DOK2: variants seen among roughly 807,000 people sequenced by gnomAD.
DOK2 encodes the protein docking protein 2, 56kD.
Under a neutral mutation model 26.0 loss-of-function variants are expected in DOK2, and 28 were observed. That is an observed-to-expected ratio of 1.08 (90% confidence interval 0.80 to 1.48). The LOEUF (loss-of-function observed/expected upper bound fraction) is 1.48, where lower values mean the gene tolerates loss of function less well. Among genes scored for constraint, DOK2 ranks in the 40% most tolerant of loss-of-function variants. DOK2 has a pLI of 0.00. For synonymous variants in DOK2, 282 were observed against 236.9 expected (o/e 1.19, Z -1.75); for missense variants, 682 against 558.2 (o/e 1.22, Z -2.23).
intron 3 of DOK2, 197 bp from the exon 4 acceptor site, chr8:21,911,054 A>C (rs1585398177): frequency 1.6e-6 from 1 of 616,194 alleles, no homozygotes; most frequent in Non-Finnish European, 2.8e-6. Flanking sequence ...AGGTACCTCC[A>C]CCCCCTACCC....
At chr8:21,912,091 C>T in intron 2 of DOK2, 103 bp from the exon 3 acceptor site, 2 of 1,477,804 alleles carry the variant, frequency 1.4e-6, no homozygotes, top group Non-Finnish European at 1.8e-6. Context: ...TCTGTCTGCA[C>T]ACTGGGTTCG....
rs150264736 is a variant in DOK2, at chr8:21,913,584, C to G, written c.18G>C (p.Val6=). Residue 6 remains valine (V), a synonymous_variant, in exon 1 of 5, where the codon GTG becomes GTC. Transcript: ENST00000276420. ...GCTGAAGATACAAGAAGCCTTGTTT[C>G]ACTGCCCCGTCTCCCATCCTCTGAC... MGDGA[V]KQGFLYLQQQ... is the part of the protein sequence containing the mutation. The G allele has an allele frequency of 6.2e-7, 1 of 1,614,100 alleles. No homozygotes were observed. Among genetic ancestry groups the G allele is most frequent in the Non-Finnish European group, 8.5e-7 (1 of 1,180,014 alleles).
At chr8:21,913,412 TG>T in intron 1 of DOK2, 126 bp downstream of exon 1, 4 of 1,124,602 alleles carry the variant, frequency 3.6e-6, no homozygotes, top group Middle Eastern at 2.2e-4. Context: ...AGTTGAGCTC[TG>T]GGTCTAACTT....
chr8:21,911,078 G>A (rs900966787), intron 3 of DOK2: 13 of 568,192 alleles, frequency 2.3e-5, no homozygotes, highest in African/African-American at 2.1e-4. Context: ...TAGGCATCAC[G>A]CCCCTACCCA....
intron 3 of DOK2, 58 bp from the exon 4 acceptor site, chr8:21,910,915 T>A: frequency 6.6e-7 from 1 of 1,520,370 alleles, no homozygotes; most frequent in Non-Finnish European, 8.9e-7. Context: ...CTGGCCTGCC[T>A]CACCACTGCC....
At chr8:21,912,963 C>G (rs1254295131) in intron 1 of DOK2, among the ~76,000 whole-genome samples, 2 of 152,228 alleles carry the variant, frequency 1.3e-5, no homozygotes, top group Non-Finnish European at 2.9e-5. Flanking sequence ...CTCCACCCTC[C>G]TGAACCTTGC....
rs200038363 is a variant in DOK2 at position 21,909,523 on chromosome 8, G to C, written c.1027C>G (p.His343Asp). ...ACTCCCTCGGGCTCATCGTATATGTGGTCAGGTCGAGGGGGCAGGGTCTCC... is the reference window on the plus strand; with the variant it reads ...ACTCCCTCGGGCTCATCGTATATGTCGTCAGGTCGAGGGGGCAGGGTCTCC... Reference protein sequence around the residue: ...IEETLPPRPDHIYDEPEGVAA... With the variant: ...IEETLPPRPDDIYDEPEGVAA... The change falls in exon 5 of 5, where the codon CAC becomes GAC. Residue 343 changes from histidine to aspartate, a missense_variant. By Grantham distance (81) the His-to-Asp change is moderately conservative. Coordinates refer to ENST00000276420, the MANE Select transcript of DOK2 (RefSeq NM_003974.4). 1.9e-6 allele frequency: 3 copies of C among 1,614,172 alleles called. No individual in the cohort carries two copies.
intron 3 of DOK2, among the ~76,000 whole-genome samples, chr8:21,911,497 G>T (rs184786340): frequency 3.2e-3 from 486 of 152,258 alleles, no homozygotes; most frequent in Non-Finnish European, 3.9e-3. Context: ...AATCCCAGCT[G>T]CTCAGGAGGC....
In DOK2 at chr8:21,912,321, A is replaced by T. The variant is rs375844220; in HGVS notation, c.253T>A (p.Phe85Ile). 3.5e-5 allele frequency: 56 copies of T among 1,606,852 alleles called. No homozygotes were observed. The highest frequency in any genetic ancestry group is 4.8e-5 in the Non-Finnish European group (56 of 1,178,236). The change falls in exon 2 of 5, where the codon TTC becomes ATC. Residue 85 changes from phenylalanine (F) to isoleucine (I), a missense_variant. Physicochemically the swap from Phe to Ile is conservative, Grantham distance 21 (BLOSUM62 0). Transcript: ENST00000276420. Reference protein sequence around the residue: ...ASSPRDTSAFFLETKERLYLL... With the variant: ...ASSPRDTSAFILETKERLYLL... Reference sequence around the variant, plus strand: ...TACAGGCGCTCCTTGGTCTCCAGGAAGAAGGCACTGGTGTCCCGGGGGCTG... The same window carrying T: ...TACAGGCGCTCCTTGGTCTCCAGGATGAAGGCACTGGTGTCCCGGGGGCTG...
At position 21,910,702 on chromosome 8, in the gene DOK2, T is replaced by G. The variant is rs199722634; in HGVS notation, c.589A>C (p.Arg197=). The G allele has an allele frequency of 2.9e-5, 47 of 1,614,068 alleles. No homozygotes were observed. The African/African-American group carries it at 4.8e-4, about 16-fold the overall frequency. The change falls in exon 4 of 5, where the codon AGG becomes CGG. Residue 197 remains arginine, a synonymous_variant. Transcript: ENST00000276420. ...PGTQLYDWPY[R]FLRRFGRDKV... The stretch of plus-strand genomic sequence containing the variant: ...TCCCGCCCAAAGCGCCGCAGAAACC[T>G]GTAGGGCCAGTCGTACAGCTGGGTC...
chr8:21,911,869 A>G lies in DOK2; in HGVS notation c.433+32T>C, dbSNP rs199988933. The G allele has an allele frequency of 1.7e-4, 265 of 1,545,444 alleles. 1 individual carries two copies. The East Asian group carries it at 6.0e-3, about 35-fold the overall frequency. On this transcript the variant is annotated intron_variant, in intron 3 of 4. Transcript: ENST00000276420. ...CCACCTCACCCTGGGGAGAGCCCCC[A>G]GGGGAGAGCAGGGCAGCCCCCGCCC...
Position 21,909,187 on chromosome 8 carries a change from C to T in DOK2, c.*124G>A, listed in dbSNP as rs751272084. ...GGCCCTGGGAGAGGCAATTTATCAGCCCCAACGAAGACAGGCCAGGCCTCG... is the reference window on the plus strand; with the variant it reads ...GGCCCTGGGAGAGGCAATTTATCAGTCCCAACGAAGACAGGCCAGGCCTCG... On this transcript the variant is annotated 3_prime_UTR_variant, in exon 5 of 5. Transcript: ENST00000276420. 8.0e-7 allele frequency: 1 copy of T among 1,243,760 alleles called. No individual in the cohort carries two copies. Among genetic ancestry groups the T allele is most frequent in the South Asian group, 1.6e-5 (1 of 61,988 alleles). 77.0% of individuals were successfully genotyped at this position (1,243,760 alleles called of 1,614,324 possible).
In DOK2 at chr8:21,909,351, G is replaced by C; in HGVS notation, c.1199C>G (p.Thr400Ser). 1 of 1,568,790 alleles carries C rather than the reference G, an allele frequency of 6.4e-7. No homozygotes were observed. The highest frequency in any genetic ancestry group is 8.6e-7 in the Non-Finnish European group (1 of 1,156,886). Residue 400 changes from threonine (T) to serine (S), a missense_variant, in exon 5 of 5, where the codon ACT becomes AGT. Physicochemically the swap from Thr to Ser is moderately conservative, Grantham distance 58 (BLOSUM62 1). Coordinates refer to ENST00000276420, the MANE Select transcript of DOK2 (RefSeq NM_003974.4). The part of the protein sequence containing the change: ...DFSASGWQPG[T>S]EYDNVVLKKG... ...CTTTAGTACAACATTGTCATACTCA[G>C]TTCCTGGCTGCCAGCCAGAAGCAGA...
chr8:21,912,216 C>T lies in DOK2; in HGVS notation c.345+13G>A, dbSNP rs758114610. ...CACGCCCCCTTGCCCTTTCCGCACC[C>T]CGCGCGACTCACGGGGAAGGCCAGG... On this transcript the variant is annotated intron_variant, in intron 2 of 4. Coordinates refer to ENST00000276420, the MANE Select transcript of DOK2 (RefSeq NM_003974.4). 5.2e-6 allele frequency: 8 copies of T among 1,545,352 alleles called. No individual in the cohort carries two copies. The highest frequency in any genetic ancestry group is 7.0e-6 in the Non-Finnish European group (8 of 1,148,938).
rs1809943435 is a variant in DOK2 at position 21,913,635 on chromosome 8, C to G, written c.-34G>C. The G allele has an allele frequency of 6.2e-7, 1 of 1,611,670 alleles. No homozygotes were observed. Among genetic ancestry groups the G allele is most frequent in the Admixed American group, 1.7e-5 (1 of 59,984 alleles). On this transcript the variant is annotated 5_prime_UTR_variant, in exon 1 of 5. Transcript: ENST00000276420. ...CATCTCGGAGCCCCAGGCTTCAGCT[C>G]TCTCCTTCACTCCTGCCCTTGCCTC...
chr8:21,910,316 C>T (rs979868946), intron 4 of DOK2, among the ~76,000 whole-genome samples: 2 of 152,052 alleles, frequency 1.3e-5, no homozygotes, highest in African/African-American at 4.8e-5. Context: ...TAACCCAAGC[C>T]CTGGGACCTC....
chr8:21,913,410 T>A, intron 1 of DOK2, 129 bp downstream of exon 1: 5 of 1,109,934 alleles, frequency 4.5e-6, no homozygotes, highest in Non-Finnish European at 5.1e-6. Context: ...AAAGTTGAGC[T>A]CTGGGTCTAA....
In DOK2 at chr8:21,909,495, G is replaced by A. The variant is rs776012346; in HGVS notation, c.1055C>T (p.Ala352Val). Reference sequence around the variant, plus strand: ...CGGGCTGTCATAGAGGGACAGGGCAGCCACTCCCTCGGGCTCATCGTATAT... The same window carrying A: ...CGGGCTGTCATAGAGGGACAGGGCAACCACTCCCTCGGGCTCATCGTATAT... ...DHIYDEPEGV[A>V]ALSLYDSPQE... The change falls in exon 5 of 5, where the codon GCT becomes GTT. Residue 352 changes from alanine to valine, a missense_variant. Physicochemically the swap from Ala to Val is moderately conservative, Grantham distance 64 (BLOSUM62 0). Transcript: ENST00000276420. 1 of 1,614,092 alleles carries A rather than the reference G, an allele frequency of 6.2e-7. No individual in the cohort carries two copies. Among genetic ancestry groups the A allele is most frequent in the East Asian group, 2.2e-5 (1 of 44,876 alleles).
Position 21,912,001 on chromosome 8 carries a change from C to T in DOK2, c.346-13G>A. 3.2e-6 allele frequency: 5 copies of T among 1,545,674 alleles called. No homozygotes were observed. Among genetic ancestry groups the T allele is most frequent in the Non-Finnish European group, 4.4e-6 (5 of 1,145,962 alleles). On this transcript the variant is annotated splice_polypyrimidine_tract_variant and intron_variant, in intron 2 of 4. Coordinates refer to ENST00000276420, the MANE Select transcript of DOK2 (RefSeq NM_003974.4). ...CCTTCCTCTGCCCCTAGGGAGGAGG[C>T]GCCCCGTCTCATCACCTTCCCCGAT...
Sources: allele counts gnomAD v4.1 joint callset (sites outside exome capture counted in the v4.1 genomes callset), GRCh38; gene constraint gnomAD v4.1.1; transcripts MANE v1.5; gene names NCBI Gene and HGNC (gene_info 2026-07-23, HGNC 2026-07-21).